The following TMEM144 variants were observed in gnomAD, a reference collection of about 807,000 sequenced individuals.
TMEM144 encodes transmembrane protein 144.
A neutral mutation model predicts 43.6 loss-of-function variants in TMEM144; 39 were observed. The observed-to-expected ratio is 0.90, with a 90% CI of 0.69 to 1.17. The LOEUF (loss-of-function observed/expected upper bound fraction) is 1.17. TMEM144 is among the 50% of genes most tolerant of loss of function. The probability of loss-of-function intolerance (pLI) is 0.00; values close to 1 mark genes in which losing one functional copy is unlikely to be tolerated. For missense variants in TMEM144, 417 were observed against 411.9 expected (o/e 1.01, Z -0.11); for synonymous variants, 154 against 133.6 (o/e 1.15, Z -1.06).
chr4:158,213,654 C>T (rs537369555), intron 3 of TMEM144: 1 of 152,306 alleles, frequency 6.6e-6, no homozygotes, highest in East Asian at 1.9e-4. Flanking sequence ...ATTTGCCTGA[C>T]TTCCATATTA....
chr4:158,228,636 G>A lies in TMEM144; in HGVS notation c.414-4265G>A, dbSNP rs573794431. Reference sequence around the variant, plus strand: ...CGGGAGCGCTCTCAGGATCCATGTCGCTTGGGCTGGTCGGAGTCCCTCGCA... The same window carrying A: ...CGGGAGCGCTCTCAGGATCCATGTCACTTGGGCTGGTCGGAGTCCCTCGCA... On this transcript the variant is annotated intron_variant, in intron 6 of 12. Transcript: ENST00000296529. Among the ~76,000 whole-genome samples the A allele has an allele frequency of 1.3e-4, 20 of 152,214 alleles. No individual in the cohort carries two copies. In the East Asian group the frequency reaches 3.1e-3, roughly 24 times the overall value.
chr4:158,223,711 C>G (rs1259243917), intron 6 of TMEM144, among the ~76,000 whole-genome samples: 1 of 152,202 alleles, frequency 6.6e-6, no homozygotes, highest in Non-Finnish European at 1.5e-5. Flanking sequence ...TGGCTTCCAG[C>G]CTCATCCATG....
intron 6 of TMEM144, among the ~76,000 whole-genome samples, chr4:158,228,146 A>C (rs1295345454): frequency 6.6e-6 from 1 of 152,230 alleles, no homozygotes. Flanking sequence ...CAAAAAGAAA[A>C]ACCAAAGTGC....
At position 158,219,167 on chromosome 4, in the gene TMEM144, T is replaced by A. The variant is rs1167527106; in HGVS notation, c.333-143T>A. ...ATTGGAAATTGAGGCACAGTGAAGA[T>A]AATTAACTTTCCCAAAGTCACAGCT... is the stretch of plus-strand genomic sequence containing the variant. On this transcript the variant is annotated intron_variant, in intron 5 of 12. Coordinates refer to ENST00000296529, the MANE Select transcript of TMEM144 (RefSeq NM_018342.5). The A allele has an allele frequency of 6.5e-6, 5 of 766,368 alleles. No homozygotes were observed. In the East Asian group the frequency reaches 1.3e-4, roughly 21 times the overall value. 47.5% of individuals were successfully genotyped at this position (766,368 alleles called of 1,614,324 possible). A position where few individuals can be genotyped will look rare whatever the true frequency, so the allele number is the denominator to read the frequency against.
intron 10 of TMEM144, 112 bp from the exon 11 acceptor site, chr4:158,241,397 A>T: frequency 1.2e-6 from 1 of 809,618 alleles, no homozygotes. Flanking sequence ...TTGGCCAACA[A>T]CATTGATTAG....
In TMEM144 at chr4:158,237,051, G is replaced by A. The variant is rs552819456; in HGVS notation, c.564-474G>A. 7.2e-5 allele frequency among the ~76,000 whole-genome samples: 11 copies of A among 152,264 alleles called. No individual in the cohort carries two copies. In the East Asian group the frequency reaches 7.7e-4, roughly 11 times the overall value. Reference sequence around the variant, plus strand: ...TGTCAACTAAGGCATAGGCAAGTTCGTGGATTTCAATAGTTGTTTTCAACA... The same window carrying A: ...TGTCAACTAAGGCATAGGCAAGTTCATGGATTTCAATAGTTGTTTTCAACA... On this transcript the variant is annotated intron_variant, in intron 8 of 12. Transcript: ENST00000296529.
At chr4:158,242,940 C>A (rs1014689704) in intron 11 of TMEM144, among the ~76,000 whole-genome samples, 21 of 152,176 alleles carry the variant, frequency 1.4e-4, no homozygotes, top group Non-Finnish European at 2.6e-4. Context: ...CATACTTTGA[C>A]CTATGCTTGC....
At chr4:158,230,634 T>C (rs1184448729) in intron 6 of TMEM144, among the ~76,000 whole-genome samples, 2 of 151,656 alleles carry the variant, frequency 1.3e-5, no homozygotes, top group East Asian at 1.9e-4. Flanking sequence ...CACAAATATG[T>C]GTGTGTAAAT....
Position 158,219,292 on chromosome 4 carries a change from G to T in TMEM144, c.333-18G>T. ...ATCTTAACAATATTTAATTTGATGT[G>T]ACTTTCTGGATTTTCAGGTTTGGCT... is the stretch of plus-strand genomic sequence containing the variant. On this transcript the variant is annotated intron_variant, in intron 5 of 12. Coordinates refer to ENST00000296529, the MANE Select transcript of TMEM144 (RefSeq NM_018342.5). 6.2e-7 allele frequency: 1 copy of T among 1,613,064 alleles called. No homozygotes were observed. The highest frequency in any genetic ancestry group is 8.5e-7 in the Non-Finnish European group (1 of 1,179,210).
chr4:158,244,312 C>G lies in TMEM144; in HGVS notation c.917C>G (p.Ala306Gly), dbSNP rs200145191. ...PIITAGPGFI[A>G]AMWGIFMFKE... is the part of the protein sequence containing the mutation. ...TTATTTAAGGGTCCAGGATTTATAG[C>G]TGCAATGTGGGGTATCTTCATGTTT... Residue 306 changes from alanine to glycine, a missense_variant, in exon 12 of 13, where the codon GCT becomes GGT. Coordinates refer to ENST00000296529, the MANE Select transcript of TMEM144 (RefSeq NM_018342.5). 6.2e-7 allele frequency: 1 copy of G among 1,605,472 alleles called. No homozygotes were observed. Among genetic ancestry groups the G allele is most frequent in the Non-Finnish European group, 8.5e-7 (1 of 1,175,548 alleles).
chr4:158,241,412 C>T, intron 10 of TMEM144, 97 bp from the exon 11 acceptor site: 1 of 875,256 alleles, frequency 1.1e-6, no homozygotes, highest in Admixed American at 2.0e-5. Flanking sequence ...GATTAGAATG[C>T]ATTTATATGT....
intron 11 of TMEM144, 74 bp from the exon 12 acceptor site, chr4:158,244,221 TA>T (rs2111147248): frequency 8.9e-7 from 1 of 1,126,712 alleles, no homozygotes; most frequent in East Asian, 2.8e-5. Context: ...ATACTGTCTC[TA>T]ACTTACTATA....
intron 9 of TMEM144, among the ~76,000 whole-genome samples, chr4:158,239,699 G>A (rs1290090171): frequency 6.6e-6 from 1 of 151,990 alleles, no homozygotes; most frequent in East Asian, 1.9e-4. Context: ...TAAAAGGGAG[G>A]TATTAACATC....
At chr4:158,239,076 CGTGAGAT>C in intron 9 of TMEM144, among the ~76,000 whole-genome samples, 1 of 152,212 alleles carries the variant, frequency 6.6e-6, no homozygotes, top group Middle Eastern at 3.4e-3. Context: ...AAGACAGAGA[CGTGAGAT>C]GATTTGTCCA....
At chr4:158,216,298 G>T (rs968002003) in intron 4 of TMEM144, among the ~76,000 whole-genome samples, 1 of 152,134 alleles carries the variant, frequency 6.6e-6, no homozygotes, top group Non-Finnish European at 1.5e-5. Context: ...GATGCTATAG[G>T]TTGGAGCAAC....
intron 6 of TMEM144, 62 bp from the exon 7 acceptor site, chr4:158,232,839 T>C: frequency 1.7e-6 from 2 of 1,148,872 alleles, no homozygotes; most frequent in Non-Finnish European, 2.5e-6. Flanking sequence ...TTCTTAAAAA[T>C]CAAGCAGCTT....
intron 5 of TMEM144, among the ~76,000 whole-genome samples, chr4:158,218,910 T>C (rs1042712391): frequency 6.6e-6 from 1 of 152,076 alleles, no homozygotes; most frequent in African/African-American, 2.4e-5. Flanking sequence ...GTGGATCGCT[T>C]GATTTCAGGA....
At chr4:158,215,074 G>A (rs1734149609) in intron 3 of TMEM144, 117 bp from the exon 4 acceptor site, 2 of 1,261,100 alleles carry the variant, frequency 1.6e-6, no homozygotes, top group Non-Finnish European at 2.3e-6. Context: ...CAAAGTCCAT[G>A]GCATATGGCA....
chr4:158,220,334 G>C (rs1369949357), intron 6 of TMEM144, among the ~76,000 whole-genome samples: 5 of 152,108 alleles, frequency 3.3e-5, no homozygotes, highest in Admixed American at 6.5e-5. Context: ...AATTCACACA[G>C]AATTCTAGCT....
Sources: gnomAD v4.1 joint callset for allele counts (sites outside exome capture counted in the v4.1 genomes callset) on GRCh38, gnomAD v4.1.1 for gene constraint, MANE v1.5 for transcripts, NCBI Gene and HGNC (gene_info 2026-07-23, HGNC 2026-07-21) for gene names.